The following PPP3CA variants were observed in gnomAD, a reference collection of about 807,000 sequenced individuals.
PPP3CA encodes CAM-PRP catalytic subunit.
PPP3CA carries 14 observed loss-of-function variants against 66.5 expected under a neutral mutation model. The ratio of observed to expected loss-of-function variants is 0.21; its 90% CI spans 0.14 to 0.33. The LOEUF (loss-of-function observed/expected upper bound fraction) is 0.33. PPP3CA is among the 10% of genes least tolerant of loss of function. The pLI is 1.00. For missense variants in PPP3CA, 317 were observed against 639.5 expected (o/e 0.50, Z 5.44); for synonymous variants, 232 against 226.2 (o/e 1.03, Z -0.23).
At chr4:101,128,070 G>T (rs1007822223) in intron 2 of PPP3CA, among the ~76,000 whole-genome samples, 3 of 152,110 alleles carry the variant, frequency 2.0e-5, no homozygotes, top group African/African-American at 7.2e-5. Context: ...TTATGGAAAG[G>T]CATCCCTCAC....
At chr4:101,132,567 G>C (rs563422843) in intron 2 of PPP3CA, among the ~76,000 whole-genome samples, 10 of 152,230 alleles carry the variant, frequency 6.6e-5, no homozygotes, top group South Asian at 6.2e-4. Context: ...TTGAATCCCT[G>C]AATAGACCAA....
At chr4:101,297,237 T>C (rs1365221401) in intron 1 of PPP3CA, among the ~76,000 whole-genome samples, 1 of 152,230 alleles carries the variant, frequency 6.6e-6, no homozygotes, top group East Asian at 1.9e-4. Context: ...CTTTTGGAGT[T>C]AGAATGACAT....
At chr4:101,165,817 G>A (rs1578512843) in intron 2 of PPP3CA, among the ~76,000 whole-genome samples, 1 of 152,156 alleles carries the variant, frequency 6.6e-6, no homozygotes, top group Non-Finnish European at 1.5e-5. Flanking sequence ...TGACATCCAG[G>A]CCATAGATAC....
rs116799014 is a variant in PPP3CA, at chr4:101,207,545, T to C, written c.59-11429A>G. Among the ~76,000 whole-genome samples, 510 of 152,258 alleles carry C rather than the reference T, an allele frequency of 3.3e-3. 5 individuals carry two copies. Among genetic ancestry groups the C allele is most frequent in the African/African-American group, 0.012 (487 of 41,560 alleles). On this transcript the variant is annotated intron_variant, in intron 1 of 13. Transcript: ENST00000394854. Reference sequence around the variant, plus strand: ...ACAGCTGTTAAGAGTAGCTAAAAACTAGGCTGGGCACAGTGTCGAATACCT... The same window carrying C: ...ACAGCTGTTAAGAGTAGCTAAAAACCAGGCTGGGCACAGTGTCGAATACCT...
rs1005941528 is a variant in PPP3CA at position 101,344,929 on chromosome 4, A to C, written c.58+1810T>G. ...TTGGAGCTACATCTAAACTTCACAC[A>C]TTAAGGAGATAATTGTCATTCTCTG... On this transcript the variant is annotated intron_variant, in intron 1 of 13. Coordinates refer to ENST00000394854, the MANE Select transcript of PPP3CA (RefSeq NM_000944.5). Among the ~76,000 whole-genome samples, 8 of 152,286 alleles carry C rather than the reference A, an allele frequency of 5.3e-5. No homozygotes were observed. The East Asian group carries it at 1.5e-3, about 29-fold the overall frequency.
intron 1 of PPP3CA, among the ~76,000 whole-genome samples, chr4:101,259,600 T>C (rs1726951553): frequency 6.6e-6 from 1 of 152,178 alleles, no homozygotes; most frequent in Admixed American, 6.6e-5. Context: ...AAAAGTAACC[T>C]GGTCAGGATT....
At chr4:101,299,788 T>C (rs1483732056) in intron 1 of PPP3CA, among the ~76,000 whole-genome samples, 4 of 152,190 alleles carry the variant, frequency 2.6e-5, no homozygotes, top group Non-Finnish European at 5.9e-5. Context: ...ATAAAATGTC[T>C]AACTTATTTT....
intron 1 of PPP3CA, among the ~76,000 whole-genome samples, chr4:101,334,350 G>A (rs6532926): frequency 0.1 from 15,698 of 152,058 alleles, 2,762 homozygotes; most frequent in African/African-American, 0.36. Flanking sequence ...GGCCAGGCTG[G>A]TCTAAAACTC....
intron 1 of PPP3CA, among the ~76,000 whole-genome samples, chr4:101,293,358 G>A (rs1185185521): frequency 6.6e-6 from 1 of 152,130 alleles, no homozygotes; most frequent in Non-Finnish European, 1.5e-5. Context: ...GCCAGGACAG[G>A]GAATAAGACA....
intron 1 of PPP3CA, among the ~76,000 whole-genome samples, chr4:101,233,169 A>G (rs1183981819): frequency 6.6e-6 from 1 of 151,758 alleles, no homozygotes; most frequent in Non-Finnish European, 1.5e-5. Flanking sequence ...AAATGTACAG[A>G]TACAAAGAAT....
chr4:101,038,456 G>A (rs749028673), intron 11 of PPP3CA, among the ~76,000 whole-genome samples: 4 of 150,234 alleles, frequency 2.7e-5, no homozygotes, highest in East Asian at 2.0e-4. Context: ...TGCAACCTCC[G>A]CCTCCTGGGT....
intron 8 of PPP3CA, among the ~76,000 whole-genome samples, chr4:101,063,796 CA>C (rs1327987632): frequency 3.6e-4 from 55 of 151,770 alleles, no homozygotes; most frequent in Admixed American, 9.9e-4. Context: ...AACAGTTGTA[CA>C]AAATAGTTTA....
intron 2 of PPP3CA, among the ~76,000 whole-genome samples, chr4:101,156,464 T>C (rs1469742718): frequency 1.3e-5 from 2 of 152,196 alleles, no homozygotes; most frequent in Non-Finnish European, 2.9e-5. Context: ...GCAGATCACC[T>C]GAAGTCGGGA....
intron 1 of PPP3CA, among the ~76,000 whole-genome samples, chr4:101,222,441 GT>G (rs1367146651): frequency 6.6e-6 from 1 of 151,404 alleles, no homozygotes; most frequent in Non-Finnish European, 1.5e-5. Context: ...TTTAGCCATT[GT>G]TTTTTTCCAG....
At chr4:101,298,457 C>T (rs1456548907) in intron 1 of PPP3CA, among the ~76,000 whole-genome samples, 1 of 151,916 alleles carries the variant, frequency 6.6e-6, no homozygotes, top group East Asian at 1.9e-4. Context: ...CATGCCTCCC[C>T]TGCCACCTCC....
chr4:101,253,382 A>G (rs1326561254), intron 1 of PPP3CA, among the ~76,000 whole-genome samples: 2 of 152,286 alleles, frequency 1.3e-5, no homozygotes, highest in African/African-American at 4.8e-5. Flanking sequence ...AAAATTAATC[A>G]AAGATTAAAG....
At chr4:101,131,066 G>A (rs191326290) in intron 2 of PPP3CA, among the ~76,000 whole-genome samples, 17 of 151,874 alleles carry the variant, frequency 1.1e-4, no homozygotes, top group South Asian at 4.2e-4. Context: ...GTGAAACCCC[G>A]TCTCTACTAA....
At chr4:101,279,718 G>A (rs1727620593) in intron 1 of PPP3CA, among the ~76,000 whole-genome samples, 1 of 152,154 alleles carries the variant, frequency 6.6e-6, no homozygotes, top group Non-Finnish European at 1.5e-5. Context: ...GCTCTGTGAG[G>A]TCAGGAAGTA....
rs1474708034 is a variant in PPP3CA at position 101,076,751 on chromosome 4, GA to G, written c.955+3780del. On this transcript the variant is annotated intron_variant, in intron 8 of 13. Coordinates refer to ENST00000394854, the MANE Select transcript of PPP3CA (RefSeq NM_000944.5). ...GTGAAATTATAAATAAGAAACTGAG[GA>G]ATAAGGGAATTTTCCTGCGAGCTTC... Among the ~76,000 whole-genome samples, 4 of 152,284 alleles carry G rather than the reference GA, an allele frequency of 2.6e-5. No individual in the cohort carries two copies. The East Asian group carries it at 7.7e-4, about 29-fold the overall frequency.
Sources: gnomAD v4.1 joint callset for allele counts (sites outside exome capture counted in the v4.1 genomes callset) on GRCh38, gnomAD v4.1.1 for gene constraint, MANE v1.5 for transcripts, NCBI Gene and HGNC (gene_info 2026-07-23, HGNC 2026-07-21) for gene names.